Variants in SMIM36 observed in about 807,000 individuals in gnomAD.
The protein encoded by SMIM36 is small integral membrane protein 36.
chr17:55,484,223 C>T (rs75771526), intron 1 of SMIM36, among the ~76,000 whole-genome samples: 12,206 of 152,064 alleles, frequency 0.08, 531 homozygotes, highest in South Asian at 0.15. Context: ...TTCAACTTCC[C>T]GTTCTGAAAA....
intron 1 of SMIM36, among the ~76,000 whole-genome samples, chr17:55,498,720 C>T (rs749684088): frequency 2.0e-5 from 3 of 151,638 alleles, no homozygotes; most frequent in South Asian, 2.1e-4. Flanking sequence ...TTAAACAGGT[C>T]GGGCGTGGTG....
rs567172770 is a variant in SMIM36, at chr17:55,482,669, T to G, written c.*175-3089A>C. ...GGATAACAAAGAGACAGCCTGCATATTTGTCATTATTACATTGATAACTAC... is the reference window on the plus strand; with the variant it reads ...GGATAACAAAGAGACAGCCTGCATAGTTGTCATTATTACATTGATAACTAC... On this transcript the variant is annotated intron_variant, in intron 1 of 4. Transcript: ENST00000636752. Among the ~76,000 whole-genome samples, 4 of 152,340 alleles carry G rather than the reference T, an allele frequency of 2.6e-5. No homozygotes were observed. The East Asian group carries it at 7.7e-4, about 29-fold the overall frequency.
rs114247313 is a variant in SMIM36, at chr17:55,498,542, T to C, written c.*174+12337A>G. 9.4e-3 allele frequency among the ~76,000 whole-genome samples: 1,434 copies of C among 152,162 alleles called. 26 individuals are homozygous for C. The highest frequency in any genetic ancestry group is 0.033 in the African/African-American group (1,354 of 41,458). On this transcript the variant is annotated intron_variant, in intron 1 of 4. Coordinates refer to ENST00000636752, the Ensembl canonical transcript of SMIM36. ...ATATCACAATATGCCAGATACTTTATGTGTGTGATTCTAAACCTTGACCAT... is the reference window on the plus strand; with the variant it reads ...ATATCACAATATGCCAGATACTTTACGTGTGTGATTCTAAACCTTGACCAT...
At chr17:55,462,659 T>A (rs1054742195) in intron 4 of SMIM36, among the ~76,000 whole-genome samples, 1 of 152,210 alleles carries the variant, frequency 6.6e-6, no homozygotes, top group African/African-American at 2.4e-5. Context: ...AAATCTGGCA[T>A]GCAGCGTTGT....
chr17:55,508,600 C>T (rs1465878863), intron 1 of SMIM36, among the ~76,000 whole-genome samples: 1 of 151,158 alleles, frequency 6.6e-6, no homozygotes, highest in East Asian at 1.9e-4. Flanking sequence ...TATGGTGTTT[C>T]TTCATTCAGT....
intron 3 of SMIM36, among the ~76,000 whole-genome samples, chr17:55,475,108 C>T (rs1391370891): frequency 6.6e-6 from 1 of 152,152 alleles, no homozygotes; most frequent in Non-Finnish European, 1.5e-5. Context: ...GTCACCCCCA[C>T]TACTTGGACT....
intron 1 of SMIM36, among the ~76,000 whole-genome samples, chr17:55,487,502 A>G (rs116360279): frequency 0.013 from 1,979 of 152,278 alleles, 38 homozygotes; most frequent in African/African-American, 0.045. Context: ...TGATCTCTGA[A>G]GTTGCCAGCA....
rs1199458367 is a variant in SMIM36 at position 55,500,903 on chromosome 17, TA to T, written c.*174+9975del. Among the ~76,000 whole-genome samples, 32 of 14,708 alleles carry T rather than the reference TA, an allele frequency of 2.2e-3. 10 individuals carry two copies. The African/African-American group carries it at 0.029, about 13-fold the overall frequency. 9.6% of individuals were successfully genotyped at this position (14,708 alleles called of 152,430 possible). ...TTATAATATATATTATAATATATTA[TA>T]TTATAATATATTATAATATATTATA... On this transcript the variant is annotated intron_variant, in intron 1 of 4. Coordinates refer to ENST00000636752, the Ensembl canonical transcript of SMIM36.
intron 1 of SMIM36, among the ~76,000 whole-genome samples, chr17:55,508,428 A>G (rs9914133): frequency 0.17 from 20,852 of 124,576 alleles, 4,058 homozygotes; most frequent in African/African-American, 0.48. Context: ...ATATATTCCT[A>G]GGAATATATA....
At chr17:55,501,639 G>T (rs1330305420) in intron 1 of SMIM36, among the ~76,000 whole-genome samples, 3 of 140,856 alleles carry the variant, frequency 2.1e-5, no homozygotes, top group Non-Finnish European at 4.5e-5. Context: ...TACATAATGA[G>T]AAATTTAATA....
chr17:55,493,633 A>G (rs1184042891), intron 1 of SMIM36, among the ~76,000 whole-genome samples: 1 of 151,736 alleles, frequency 6.6e-6, no homozygotes, highest in African/African-American at 2.4e-5. Flanking sequence ...AACGTGGTGA[A>G]ACCCCATCTC....
chr17:55,499,287 A>G (rs1909867768), intron 1 of SMIM36, among the ~76,000 whole-genome samples: 1 of 152,140 alleles, frequency 6.6e-6, no homozygotes. Flanking sequence ...CTAGCAGAGG[A>G]GAGAGATGGG....
chr17:55,523,252 C>G, the SMIM36 span, among the ~76,000 whole-genome samples: 1 of 152,110 alleles, frequency 6.6e-6, no homozygotes, highest in South Asian at 2.1e-4. Flanking sequence ...ACATGAGGGG[C>G]TGGGTGTGGT....
In SMIM36 at chr17:55,500,909, AATATATTATAATATATTATATTTTATAAT is replaced by A. The variant is rs1909913940; in HGVS notation, c.*174+9941_*174+9969del. On this transcript the variant is annotated intron_variant, in intron 1 of 4. Coordinates refer to ENST00000636752, the Ensembl canonical transcript of SMIM36. ...TATATATTATAATATATTATATTAT[AATATATTATAATATATTATATTTTATAAT>A]ATATATTATAATATATTATATTTTA... is the stretch of plus-strand genomic sequence containing the variant. 4.2e-4 allele frequency among the ~76,000 whole-genome samples: 6 copies of A among 14,150 alleles called. 1 individual carries two copies. The highest frequency in any genetic ancestry group is 3.2e-3 in the Admixed American group (2 of 632). 9.3% of individuals were successfully genotyped at this position (14,150 alleles called of 152,430 possible). A position where few individuals can be genotyped will look rare whatever the true frequency, so the allele number is the denominator to read the frequency against.
chr17:55,482,506 T>G (rs1186197832), intron 1 of SMIM36, among the ~76,000 whole-genome samples: 2 of 152,216 alleles, frequency 1.3e-5, no homozygotes, highest in Non-Finnish European at 2.9e-5. Context: ...GATTTTTCCT[T>G]TTTAATTATG....
chr17:55,501,175 A>ATAATATATAATATATTATATT (rs1909940908), intron 1 of SMIM36, among the ~76,000 whole-genome samples: 1 of 1,388 alleles, frequency 7.2e-4, no homozygotes, highest in Non-Finnish European at 1.0e-3. Context: ...TATCTTATAT[A>ATAATATATAATATATTATATT]TTATAATATA....
At chr17:55,502,319 T>C (rs1457624440) in intron 1 of SMIM36, among the ~76,000 whole-genome samples, 2 of 130,334 alleles carry the variant, frequency 1.5e-5, no homozygotes, top group East Asian at 2.3e-4. Flanking sequence ...GACTTAAATG[T>C]CCCTGTCTGA....
chr17:55,527,918 C>T, the SMIM36 span: 1 of 152,234 alleles, frequency 6.6e-6, no homozygotes, highest in African/African-American at 2.4e-5. Flanking sequence ...AGACTAACAC[C>T]TACCCCTTTT....
At position 55,508,447 on chromosome 17, in the gene SMIM36, T is replaced by TATATTCCTAGGA. The variant is rs1375795250; in HGVS notation, c.*174+2431_*174+2432insTCCTAGGAATAT. 1.5e-4 allele frequency among the ~76,000 whole-genome samples: 8 copies of TATATTCCTAGGA among 55,054 alleles called. No individual in the cohort carries two copies. The South Asian group carries it at 3.3e-3, about 23-fold the overall frequency. The allele number at this position is 55,054 out of a possible 152,430, so 36.1% of individuals were successfully genotyped here. On this transcript the variant is annotated intron_variant, in intron 1 of 4. Transcript: ENST00000636752. ...ATTCCTAGGAATATATATATATATA[T>TATATTCCTAGGA]ATATATATATATATATATATATGAA... is the stretch of plus-strand genomic sequence containing the variant.
Sources: allele counts gnomAD v4.1 joint callset (sites outside exome capture counted in the v4.1 genomes callset), GRCh38; gene constraint gnomAD v4.1.1; transcripts MANE v1.5; gene names NCBI Gene and HGNC (gene_info 2026-07-23, HGNC 2026-07-21).